OLFM3: variants seen among roughly 807,000 people sequenced by gnomAD.
The protein encoded by OLFM3 is olfactomedin 3.
In OLFM3, 20 loss-of-function variants were observed where a neutral mutation model predicts 48.6. The observed-to-expected ratio is 0.41, with a 90% CI of 0.29 to 0.60. OLFM3 has a LOEUF of 0.60. Among genes scored for constraint, OLFM3 ranks in the 20% least tolerant of loss-of-function variants. The pLI is 0.28. For synonymous variants in OLFM3, 222 were observed against 198.1 expected (o/e 1.12, Z -1.01); for missense variants, 437 against 544.3 (o/e 0.80, Z 1.96).
chr1:101,922,687 T>C (rs1032234057), intron 1 of OLFM3, among the ~76,000 whole-genome samples: 1 of 152,152 alleles, frequency 6.6e-6, no homozygotes, highest in African/African-American at 2.4e-5. Context: ...AAAATTATAA[T>C]AAAAACTCTC....
chr1:101,932,658 GA>G (rs1441967364), intron 1 of OLFM3, among the ~76,000 whole-genome samples: 1 of 152,052 alleles, frequency 6.6e-6, no homozygotes, highest in African/African-American at 2.4e-5. Context: ...AAAAAACATG[GA>G]AAGAATAGCA....
chr1:101,862,848 A>G (rs1656709009), intron 1 of OLFM3, among the ~76,000 whole-genome samples: 1 of 152,242 alleles, frequency 6.6e-6, no homozygotes, highest in Admixed American at 6.5e-5. Flanking sequence ...GATCAGAAGT[A>G]AAAGTTTAGA....
intron 1 of OLFM3, among the ~76,000 whole-genome samples, chr1:101,938,817 T>C (rs376716904): frequency 1.3e-5 from 2 of 152,164 alleles, no homozygotes; most frequent in Non-Finnish European, 2.9e-5. Flanking sequence ...GGAGTGTCTC[T>C]ATCAAGTATT....
chr1:101,988,854 G>A (rs559091262), intron 1 of OLFM3, among the ~76,000 whole-genome samples: 2 of 151,964 alleles, frequency 1.3e-5, no homozygotes, highest in African/African-American at 2.4e-5. Flanking sequence ...AGTAAGAAAA[G>A]CATGTGTACA....
At position 101,803,905 on chromosome 1, in the gene OLFM3, G is replaced by A. The variant is rs375861065; in HGVS notation, c.*333C>T. The A allele has an allele frequency of 1.1e-4, 19 of 167,726 alleles. No individual in the cohort carries two copies. In the South Asian group the frequency reaches 3.0e-3, roughly 26 times the overall value. The allele number at this position is 167,726 out of a possible 1,614,324, so 10.4% of individuals were successfully genotyped here. On this transcript the variant is annotated 3_prime_UTR_variant, in exon 6 of 6. Transcript: ENST00000370103. ...GACAGTTTTAAAAAAAAAGACATTC[G>A]TGCATTTAAGCCACCATTAGTCTCT... is the stretch of plus-strand genomic sequence containing the variant.
intron 1 of OLFM3, among the ~76,000 whole-genome samples, chr1:101,933,475 C>T (rs1659518707): frequency 6.6e-6 from 1 of 151,426 alleles, no homozygotes; most frequent in African/African-American, 2.4e-5. Flanking sequence ...GTAACGAGAC[C>T]AAATCAATGA....
chr1:101,944,525 C>G (rs1659895636), intron 1 of OLFM3, among the ~76,000 whole-genome samples: 1 of 152,098 alleles, frequency 6.6e-6, no homozygotes, highest in African/African-American at 2.4e-5. Context: ...CATTTTGATT[C>G]CACATGTGCA....
At position 101,858,914 on chromosome 1, in the gene OLFM3, T is replaced by A. The variant is rs187218782; in HGVS notation, c.70-21889A>T. Among the ~76,000 whole-genome samples the A allele has an allele frequency of 1.6e-4, 25 of 152,162 alleles. No homozygotes were observed. The East Asian group carries it at 4.6e-3, about 28-fold the overall frequency. On this transcript the variant is annotated intron_variant, in intron 1 of 5. Coordinates refer to ENST00000370103, the MANE Select transcript of OLFM3 (RefSeq NM_058170.4). ...GACTAATACAGTCATTAACTGTTAGTGATTAATTCCATTTGGGTGGGATAG... is the reference window on the plus strand; with the variant it reads ...GACTAATACAGTCATTAACTGTTAGAGATTAATTCCATTTGGGTGGGATAG...
At chr1:101,895,297 T>TA (rs1486011164) in intron 1 of OLFM3, among the ~76,000 whole-genome samples, 37 of 152,008 alleles carry the variant, frequency 2.4e-4, no homozygotes, top group Admixed American at 2.4e-3. Context: ...AACCTCCACT[T>TA]ACCTCTGTTG....
At chr1:101,919,304 A>G (rs1376034026) in intron 1 of OLFM3, among the ~76,000 whole-genome samples, 1 of 152,168 alleles carries the variant, frequency 6.6e-6, no homozygotes, top group East Asian at 1.9e-4. Context: ...AAATGACTTG[A>G]AAAATTTTTT....
chr1:101,966,350 TGC>T (rs1288046000), intron 1 of OLFM3, among the ~76,000 whole-genome samples: 4,633 of 99,846 alleles, frequency 0.046, 103 homozygotes, highest in African/African-American at 0.068. Flanking sequence ...TGTGTGTGTG[TGC>T]GCTACAGATA....
intron 1 of OLFM3, among the ~76,000 whole-genome samples, chr1:101,885,906 A>C (rs1252183785): frequency 1.3e-5 from 2 of 152,088 alleles, no homozygotes; most frequent in African/African-American, 4.8e-5. Context: ...AAAGTTATAC[A>C]TGGATTTTTG....
At chr1:101,872,347 G>A (rs928083536) in intron 1 of OLFM3, among the ~76,000 whole-genome samples, 1 of 151,962 alleles carries the variant, frequency 6.6e-6, no homozygotes, top group Admixed American at 6.6e-5. Context: ...GCTATGGCAA[G>A]AGTTCAGAAA....
At chr1:101,953,865 C>A (rs1293454366) in intron 1 of OLFM3, among the ~76,000 whole-genome samples, 1 of 151,940 alleles carries the variant, frequency 6.6e-6, no homozygotes, top group Non-Finnish European at 1.5e-5. Context: ...AAGAGAGTGA[C>A]AAATATAGAT....
chr1:101,902,596 C>T (rs1658424266), intron 1 of OLFM3, among the ~76,000 whole-genome samples: 1 of 152,040 alleles, frequency 6.6e-6, no homozygotes, highest in African/African-American at 2.4e-5. Context: ...GAAAGATGGT[C>T]TCAGTCAGGT....
At chr1:101,915,280 T>TCC (rs1485092481) in intron 1 of OLFM3, among the ~76,000 whole-genome samples, 1 of 152,162 alleles carries the variant, frequency 6.6e-6, no homozygotes, top group Non-Finnish European at 1.5e-5. Context: ...CAGTGGGAAT[T>TCC]ATTATTTAAA....
At chr1:101,980,598 G>A (rs1475073166) in intron 1 of OLFM3, among the ~76,000 whole-genome samples, 7 of 152,216 alleles carry the variant, frequency 4.6e-5, no homozygotes, top group South Asian at 4.2e-4. Flanking sequence ...CCAGCAATGC[G>A]GAACTGTGAG....
intron 1 of OLFM3, among the ~76,000 whole-genome samples, chr1:101,927,484 A>G (rs917408438): frequency 6.6e-6 from 1 of 151,962 alleles, no homozygotes; most frequent in African/African-American, 2.4e-5. Context: ...TTATCTGGTA[A>G]GAAGATAATC....
At chr1:101,989,403 T>C (rs953476507) in intron 1 of OLFM3, among the ~76,000 whole-genome samples, 7 of 152,096 alleles carry the variant, frequency 4.6e-5, no homozygotes, top group Non-Finnish European at 7.4e-5. Flanking sequence ...GCACTGTAGA[T>C]AGAGATGGTC....
Sources: gnomAD v4.1 joint callset for allele counts (sites outside exome capture counted in the v4.1 genomes callset) on GRCh38, gnomAD v4.1.1 for gene constraint, MANE v1.5 for transcripts, NCBI Gene and HGNC (gene_info 2026-07-23, HGNC 2026-07-21) for gene names.